The following MSL2 variants were observed in gnomAD, a reference collection of about 807,000 sequenced individuals.
MSL2 encodes MSL complex subunit 2, also known as E3 ubiquitin-protein ligase MSL2.
Under a neutral mutation model 35.8 loss-of-function variants are expected in MSL2, and 2 were observed. The observed-to-expected ratio is 0.06, with a 90% CI of 0.02 to 0.18. MSL2 has a LOEUF of 0.18. MSL2 is among the 10% of genes least tolerant of loss of function. MSL2 has a pLI of 1.00. For missense variants in MSL2, 523 were observed against 706.7 expected (o/e 0.74, Z 2.95); for synonymous variants, 296 against 255.7 (o/e 1.16, Z -1.50).
intron 1 of MSL2, among the ~76,000 whole-genome samples, chr3:136,167,782 T>C (rs990058542): frequency 6.6e-6 from 1 of 152,186 alleles, no homozygotes; most frequent in African/African-American, 2.4e-5. Flanking sequence ...CTTATAATAC[T>C]TAAATATATG....
intron 1 of MSL2, among the ~76,000 whole-genome samples, chr3:136,154,801 T>C (rs747672621): frequency 1.3e-5 from 2 of 151,992 alleles, no homozygotes; most frequent in Non-Finnish European, 2.9e-5. Flanking sequence ...CACGTGCCTG[T>C]TGTTCTAGCT....
chr3:136,194,195 ACACAC>A (rs1940768594), intron 1 of MSL2, among the ~76,000 whole-genome samples: 1 of 152,222 alleles, frequency 6.6e-6, no homozygotes, highest in Non-Finnish European at 1.5e-5. Flanking sequence ...AGTAATTATT[ACACAC>A]GCACAGTTAA....
intron 1 of MSL2, among the ~76,000 whole-genome samples, chr3:136,193,105 G>A (rs1940736828): frequency 6.6e-6 from 1 of 151,964 alleles, no homozygotes; most frequent in Non-Finnish European, 1.5e-5. Flanking sequence ...TGCCAAGACT[G>A]ACAAAAAATA....
chr3:136,187,031 T>C (rs916912570), intron 1 of MSL2, among the ~76,000 whole-genome samples: 2 of 152,200 alleles, frequency 1.3e-5, no homozygotes, highest in Non-Finnish European at 2.9e-5. Flanking sequence ...GTTGCAATTT[T>C]TTCCCAAATA....
intron 1 of MSL2, among the ~76,000 whole-genome samples, chr3:136,180,811 A>G (rs1940332158): frequency 8.7e-6 from 1 of 114,458 alleles, no homozygotes. Flanking sequence ...GGAGGGAGGG[A>G]AGGAGGGAAG....
intron 1 of MSL2, among the ~76,000 whole-genome samples, chr3:136,183,369 T>A (rs949287380): frequency 6.6e-6 from 1 of 152,114 alleles, no homozygotes; most frequent in African/African-American, 2.4e-5. Context: ...AAGACCAGTC[T>A]GGGAAACACA....
intron 1 of MSL2, among the ~76,000 whole-genome samples, chr3:136,162,325 G>A (rs1319242360): frequency 1.3e-5 from 2 of 151,128 alleles, no homozygotes; most frequent in East Asian, 3.9e-4. Flanking sequence ...GCTCACACCT[G>A]TAATCCCAGC....
At chr3:136,184,750 A>AG (rs5852838) in intron 1 of MSL2, among the ~76,000 whole-genome samples, 2,462 of 74,174 alleles carry the variant, frequency 0.033, 52 homozygotes, top group African/African-American at 0.043. Context: ...AAAAAAAAAA[A>AG]GGGGGGGGGG....
intron 1 of MSL2, among the ~76,000 whole-genome samples, chr3:136,158,763 C>T (rs1939607770): frequency 6.6e-6 from 1 of 152,176 alleles, no homozygotes; most frequent in Non-Finnish European, 1.5e-5. Context: ...GCAAATTTAG[C>T]AAGGTCATAG....
At chr3:136,192,398 C>T (rs977685062) in intron 1 of MSL2, among the ~76,000 whole-genome samples, 1 of 152,040 alleles carries the variant, frequency 6.6e-6, no homozygotes, top group Non-Finnish European at 1.5e-5. Flanking sequence ...AGGCTGGTCT[C>T]CAACTCCTGA....
intron 1 of MSL2, among the ~76,000 whole-genome samples, chr3:136,173,147 A>G (rs1345686124): frequency 6.6e-6 from 1 of 152,196 alleles, no homozygotes; most frequent in East Asian, 1.9e-4. Flanking sequence ...TGGGCGACAG[A>G]GCAAGACTTT....
intron 1 of MSL2, among the ~76,000 whole-genome samples, chr3:136,170,661 A>C (rs909485322): frequency 6.6e-6 from 1 of 151,590 alleles, no homozygotes; most frequent in Non-Finnish European, 1.5e-5. Flanking sequence ...GGCGTGCGTC[A>C]CCATGCCCAG....
chr3:136,182,569 A>C (rs1333277374), intron 1 of MSL2, among the ~76,000 whole-genome samples: 1 of 152,100 alleles, frequency 6.6e-6, no homozygotes, highest in Non-Finnish European at 1.5e-5. Flanking sequence ...GGGGGAGAAA[A>C]AGCTCCCCTG....
At chr3:136,167,890 A>G (rs992017724) in intron 1 of MSL2, among the ~76,000 whole-genome samples, 4 of 152,206 alleles carry the variant, frequency 2.6e-5, no homozygotes, top group African/African-American at 4.8e-5. Flanking sequence ...AGAATCAAAC[A>G]GCTATAAAAT....
intron 1 of MSL2, among the ~76,000 whole-genome samples, chr3:136,169,397 G>T (rs1398617940): frequency 2.0e-5 from 3 of 152,066 alleles, no homozygotes; most frequent in African/African-American, 7.2e-5. Flanking sequence ...TCATTTCCTT[G>T]TGTTGGGAAC....
chr3:136,184,753 G>T (rs142992501), intron 1 of MSL2, among the ~76,000 whole-genome samples: 62 of 85,384 alleles, frequency 7.3e-4, no homozygotes, highest in Non-Finnish European at 5.3e-4. Flanking sequence ...AAAAAAAAGG[G>T]GGGGGGGGGG....
At chr3:136,180,480 T>C (rs988208301) in intron 1 of MSL2, among the ~76,000 whole-genome samples, 1 of 151,680 alleles carries the variant, frequency 6.6e-6, no homozygotes, top group East Asian at 1.9e-4. Context: ...GGTGGGCAGA[T>C]CACGAGATCA....
At chr3:136,185,477 A>G (rs1940492988) in intron 1 of MSL2, among the ~76,000 whole-genome samples, 2 of 150,242 alleles carry the variant, frequency 1.3e-5, no homozygotes. Context: ...CTTTTAGAGG[A>G]AACTAAAACA....
At chr3:136,152,887 C>T (rs1435810833) in intron 1 of MSL2, 149 bp from the exon 2 acceptor site, 5 of 1,433,076 alleles carry the variant, frequency 3.5e-6, no homozygotes, top group South Asian at 3.1e-5. Flanking sequence ...TTAGAAGAAA[C>T]GGAAGAATCT....
Sources: allele counts gnomAD v4.1 joint callset (sites outside exome capture counted in the v4.1 genomes callset), GRCh38; gene constraint gnomAD v4.1.1; transcripts MANE v1.5; gene names NCBI Gene and HGNC (gene_info 2026-07-23, HGNC 2026-07-21).